Variants in PDCD6IP observed in about 807,000 individuals in gnomAD.
PDCD6IP encodes the protein programmed cell death 6-interacting protein.
A neutral mutation model predicts 103.7 loss-of-function variants in PDCD6IP; 43 were observed. The observed-to-expected ratio is 0.41, with a 90% CI of 0.32 to 0.53. The LOEUF is 0.53. PDCD6IP is among the 20% of genes least tolerant of loss of function. The pLI, the probability that PDCD6IP is intolerant of heterozygous loss-of-function variation, is 0.16. For synonymous variants in PDCD6IP, 354 were observed against 378.7 expected, an observed-to-expected ratio of 0.93 and a Z score of 0.76; for missense variants, 871 against 1,036.7, an observed-to-expected ratio of 0.84 and a Z score of 2.20.
chr3:33,854,286 T>C (rs1202649642), intron 14 of PDCD6IP, among the ~76,000 whole-genome samples: 1 of 152,178 alleles, frequency 6.6e-6, no homozygotes, highest in African/African-American at 2.4e-5. Flanking sequence ...GAGATGTCAA[T>C]GACACCTTTT....
rs969171632 is a variant in PDCD6IP at position 33,803,810 on chromosome 3, T to C, written c.209+4873T>C. ...TCATTCATTTTTTTAAAAAATGTTCTTTGTTCCTTTTTTCTATCTTTTTGT... is the reference window on the plus strand; with the variant it reads ...TCATTCATTTTTTTAAAAAATGTTCCTTGTTCCTTTTTTCTATCTTTTTGT... On this transcript the variant is annotated intron_variant, in intron 1 of 17. Coordinates refer to ENST00000307296, the MANE Select transcript of PDCD6IP (RefSeq NM_013374.6). Among the ~76,000 whole-genome samples the C allele has an allele frequency of 3.3e-5, 5 of 152,200 alleles. No individual in the cohort carries two copies. The South Asian group carries it at 1.0e-3, about 31-fold the overall frequency.
intron 5 of PDCD6IP, among the ~76,000 whole-genome samples, chr3:33,825,807 G>A (rs1378055833): frequency 1.3e-5 from 2 of 152,130 alleles, no homozygotes; most frequent in Non-Finnish European, 2.9e-5. Flanking sequence ...AAAAATAAGA[G>A]AATTATATGA....
chr3:33,852,646 T>G lies in PDCD6IP; in HGVS notation c.1800T>G (p.Ser600=). The change falls in exon 13 of 18, where the codon TCT becomes TCG. Residue 600 remains serine (S), a synonymous_variant. Coordinates refer to ENST00000307296, the MANE Select transcript of PDCD6IP (RefSeq NM_013374.6). The part of the protein sequence containing the change: ...QDGVINEEAL[S]VTELDRVYGG... ...GTGTGATAAATGAAGAAGCTCTTTC[T>G]GTTACTGAACTAGATCGAGTCTATG... 2 of 1,601,272 alleles carry G rather than the reference T, an allele frequency of 1.2e-6. No homozygotes were observed. Among genetic ancestry groups the G allele is most frequent in the Non-Finnish European group, 1.7e-6 (2 of 1,176,770 alleles).
intron 3 of PDCD6IP, among the ~76,000 whole-genome samples, chr3:33,820,305 G>A (rs576945370): frequency 5.9e-5 from 9 of 151,776 alleles, no homozygotes; most frequent in African/African-American, 7.2e-5. Context: ...CAATTATAAT[G>A]TCCCATTCTT....
Position 33,859,050 on chromosome 3 carries a change from T to C in PDCD6IP, c.2120+3790T>C, listed in dbSNP as rs116090592. On this transcript the variant is annotated intron_variant, in intron 15 of 17. Transcript: ENST00000307296. The stretch of plus-strand genomic sequence containing the variant: ...CCAGATATTAAGGTATATAATACCA[T>C]ATTTAATTAAAACACAGTGGTACTG... 3.2e-3 allele frequency among the ~76,000 whole-genome samples: 491 copies of C among 152,322 alleles called. 2 individuals carry two copies. The highest frequency in any genetic ancestry group is 5.1e-3 in the Non-Finnish European group (345 of 68,022).
At chr3:33,835,260 C>T (rs1286654959) in intron 7 of PDCD6IP, 3 of 456,408 alleles carry the variant, frequency 6.6e-6, no homozygotes, top group Non-Finnish European at 1.3e-5. Flanking sequence ...TCAGATCCAC[C>T]CTTTCACTGA....
In PDCD6IP at chr3:33,814,862, A is replaced by G. The variant is rs1056424619; in HGVS notation, c.334+1234A>G. ...ATGCATGTATTATTCATATACATAT[A>G]TGTATATACATATATACATATATAT... On this transcript the variant is annotated intron_variant, in intron 3 of 17. Transcript: ENST00000307296. 3.3e-4 allele frequency among the ~76,000 whole-genome samples: 48 copies of G among 145,404 alleles called. 1 individual carries two copies. Among genetic ancestry groups the G allele is most frequent in the Middle Eastern group, 6.2e-3 (1 of 162 alleles).
At position 33,798,889 on chromosome 3, in the gene PDCD6IP, T is replaced by G. The variant is rs770431779; in HGVS notation, c.161T>G (p.Val54Gly). The G allele has an allele frequency of 1.3e-6, 2 of 1,547,858 alleles. No individual in the cohort carries two copies. Among genetic ancestry groups the G allele is most frequent in the South Asian group, 1.2e-5 (1 of 83,946 alleles). The change falls in exon 1 of 18, where the codon GTC becomes GGC. Residue 54 changes from valine to glycine, a missense_variant. Around this residue, in one of 5 missense-constraint regions of PDCD6IP, gnomAD observed 114 missense variants for 106.7 expected, o/e 1.07. Transcript: ENST00000307296. ...CTCAGCAAGCTGCGCCGCGCCGCAG[T>G]CGGTCGTCCGCTGGACAAGCACGAG... is the stretch of plus-strand genomic sequence containing the variant. ...EELSKLRRAA[V>G]GRPLDKHEGA...
At chr3:33,800,241 G>A (rs1187745348) in intron 1 of PDCD6IP, among the ~76,000 whole-genome samples, 1 of 151,384 alleles carries the variant, frequency 6.6e-6, no homozygotes, top group Non-Finnish European at 1.5e-5. Context: ...TGCTTCCCTC[G>A]AAAGCTTTGT....
intron 3 of PDCD6IP, among the ~76,000 whole-genome samples, chr3:33,819,808 T>C (rs149682477): frequency 4.5e-4 from 69 of 152,358 alleles, no homozygotes; most frequent in Middle Eastern, 3.4e-3. Context: ...CTGTGAGTAA[T>C]AGGGAGCTAT....
Position 33,867,397 on chromosome 3 carries a change from G to T in PDCD6IP, c.*872G>T, listed in dbSNP as rs908643737. ...CCCATAACCTGGTTAAAATAAATAC[G>T]CCATTGGCAATACTTCATAATGTAA... On this transcript the variant is annotated 3_prime_UTR_variant, in exon 18 of 18. Transcript: ENST00000307296. 2 of 152,086 alleles carry T rather than the reference G, an allele frequency of 1.3e-5. No individual in the cohort carries two copies. Among genetic ancestry groups the T allele is most frequent in the African/African-American group, 4.8e-5 (2 of 41,404 alleles). The allele number at this position is 152,086 out of a possible 1,614,324, so 9.4% of individuals were successfully genotyped here.
chr3:33,844,867 T>TAA (rs66598271), intron 11 of PDCD6IP, among the ~76,000 whole-genome samples: 1 of 148,032 alleles, frequency 6.8e-6, no homozygotes, highest in Non-Finnish European at 1.5e-5. Flanking sequence ...TCCTGGGTGG[T>TAA]AAAAAAAAAA....
chr3:33,853,983 A>G lies in PDCD6IP; in HGVS notation c.1995A>G (p.Glu665=), dbSNP rs1697775710. 6.3e-7 allele frequency: 1 copy of G among 1,585,602 alleles called. No homozygotes were observed. The highest frequency in any genetic ancestry group is 1.4e-5 in the African/African-American group (1 of 72,976). ...NLATAYDNFV[E]LVANLKEGTK... is the part of the protein sequence containing the mutation. ...CTACTGCATATGACAACTTTGTTGA[A>G]CTTGTAGCTAATTTGAAGGAAGGCA... is the stretch of plus-strand genomic sequence containing the variant. The change falls in exon 14 of 18, where the codon GAA becomes GAG. Residue 665 remains glutamate, a synonymous_variant. Transcript: ENST00000307296.
At chr3:33,817,753 A>G (rs540318561) in intron 3 of PDCD6IP, among the ~76,000 whole-genome samples, 2 of 152,128 alleles carry the variant, frequency 1.3e-5, no homozygotes, top group East Asian at 3.9e-4. Flanking sequence ...ACCTTGTCTC[A>G]AAAGAAAAAA....
chr3:33,845,521 A>G lies in PDCD6IP; in HGVS notation c.1574A>G (p.Lys525Arg). ...CGTGACACCATCGTGCTTTTGTGTA[A>G]GCCAGAGCCTGAGCTGAATGCTGCC... is the stretch of plus-strand genomic sequence containing the variant. Reference protein sequence around the residue: ...SHRDTIVLLCKPEPELNAAIP... With the variant: ...SHRDTIVLLCRPEPELNAAIP... The change falls in exon 12 of 18, where the codon AAG becomes AGG. Residue 525 changes from lysine to arginine, a missense_variant. By Grantham distance (26) the Lys-to-Arg change is conservative. Coordinates refer to ENST00000307296, the MANE Select transcript of PDCD6IP (RefSeq NM_013374.6). 1 of 1,614,038 alleles carries G rather than the reference A, an allele frequency of 6.2e-7. No individual in the cohort carries two copies. Among genetic ancestry groups the G allele is most frequent in the South Asian group, 1.1e-5 (1 of 91,054 alleles).
At chr3:33,801,071 C>T (rs553298593) in intron 1 of PDCD6IP, among the ~76,000 whole-genome samples, 2 of 152,220 alleles carry the variant, frequency 1.3e-5, no homozygotes, top group Admixed American at 1.3e-4. Flanking sequence ...CACATTAATT[C>T]AACAAATATT....
At chr3:33,826,441 CAT>C (rs1697125828) in intron 5 of PDCD6IP, 37 bp from the exon 6 acceptor site, 1 of 1,381,792 alleles carries the variant, frequency 7.2e-7, no homozygotes, top group African/African-American at 1.4e-5. Context: ...CAGATTAGCT[CAT>C]ATTTATTTTA....
At chr3:33,865,760 TAAG>T (rs1438801523) in intron 17 of PDCD6IP, among the ~76,000 whole-genome samples, 1 of 152,216 alleles carries the variant, frequency 6.6e-6, no homozygotes, top group Non-Finnish European at 1.5e-5. Flanking sequence ...GCAAAACTGA[TAAG>T]GCCTTGTTTA....
intron 12 of PDCD6IP, among the ~76,000 whole-genome samples, chr3:33,849,230 C>T (rs370402132): frequency 9.8e-5 from 15 of 152,304 alleles, no homozygotes; most frequent in African/African-American, 2.4e-4. Context: ...GCCAGAGTGG[C>T]GTTTTTTTCT....
Sources: gnomAD v4.1 joint callset for allele counts (sites outside exome capture counted in the v4.1 genomes callset) on GRCh38, gnomAD v4.1.1 for gene constraint, gnomAD v4.1.1 regional missense constraint, MANE v1.5 for transcripts, NCBI Gene and HGNC (gene_info 2026-07-23, HGNC 2026-07-21) for gene names.